UBE2K: variants seen among roughly 807,000 people sequenced by gnomAD.
The protein encoded by UBE2K is ubiquitin-conjugating enzyme E2 K.
Under a neutral mutation model 30.0 loss-of-function variants are expected in UBE2K, and 6 were observed. The observed-to-expected ratio is 0.20, with a 90% CI of 0.11 to 0.39. The LOEUF (loss-of-function observed/expected upper bound fraction) is 0.39. Among genes scored for constraint, UBE2K ranks in the 10% least tolerant of loss-of-function variants. The probability of loss-of-function intolerance (pLI) is 1.00; values close to 1 mark genes in which losing one functional copy is unlikely to be tolerated. For synonymous variants in UBE2K, 86 were observed against 83.7 expected (o/e 1.03, Z -0.15); for missense variants, 61 against 241.6 (o/e 0.25, Z 4.96).
intron 1 of UBE2K, among the ~76,000 whole-genome samples, chr4:39,703,220 C>CTTT (rs1322420804): frequency 6.6e-6 from 1 of 152,038 alleles, no homozygotes; most frequent in Non-Finnish European, 1.5e-5. Flanking sequence ...TGACAAAACT[C>CTTT]TTTAAAAGAG....
chr4:39,782,473 T>C lies in UBE2K; in HGVS notation c.*4039T>C, dbSNP rs1713671167. 6.6e-6 allele frequency: 1 copy of C among 152,198 alleles called. No individual in the cohort carries two copies. Among genetic ancestry groups the C allele is most frequent in the South Asian group, 2.1e-4 (1 of 4,826 alleles). The allele number at this position is 152,198 out of a possible 1,614,324, so 9.4% of individuals were successfully genotyped here. ...GGTGTCTGCTGGAAGTCTACTGCCA[T>C]TATAGGGAACCTTGCTTGTTAGCTT... is the stretch of plus-strand genomic sequence containing the variant. On this transcript the variant is annotated 3_prime_UTR_variant, in exon 7 of 7. Coordinates refer to ENST00000261427, the MANE Select transcript of UBE2K (RefSeq NM_005339.5).
intron 1 of UBE2K, among the ~76,000 whole-genome samples, chr4:39,714,654 C>G (rs1372318379): frequency 6.8e-6 from 1 of 147,918 alleles, no homozygotes; most frequent in African/African-American, 2.5e-5. Context: ...TCAAGTGATT[C>G]TCCTGCCTCA....
At chr4:39,750,118 C>T (rs182518852) in intron 3 of UBE2K, among the ~76,000 whole-genome samples, 1 of 152,120 alleles carries the variant, frequency 6.6e-6, no homozygotes, top group African/African-American at 2.4e-5. Flanking sequence ...CGCTTGAACC[C>T]AAGAGGCGGA....
At chr4:39,764,904 G>C (rs1202730154) in intron 4 of UBE2K, among the ~76,000 whole-genome samples, 2 of 112,312 alleles carry the variant, frequency 1.8e-5, no homozygotes, top group Non-Finnish European at 3.5e-5. Context: ...TTTTTTTTTC[G>C]AGACAAGAGT....
chr4:39,760,214 A>G (rs1282597265), intron 4 of UBE2K, among the ~76,000 whole-genome samples: 3 of 150,506 alleles, frequency 2.0e-5, no homozygotes, highest in African/African-American at 7.3e-5. Flanking sequence ...AAAAAAACAA[A>G]TAATGTGGTT....
At chr4:39,714,517 C>CATCTATATATATATATATTTATATATAT (rs1553874880) in intron 1 of UBE2K, 1 of 41,638 alleles carries the variant, frequency 2.4e-5, no homozygotes, top group African/African-American at 1.3e-4. Context: ...TTAGAAGTTT[C>CATCTATATATATATATATTTATATATAT]ATATATATAT....
chr4:39,771,624 A>AAGGGGT (rs749533907), intron 4 of UBE2K, among the ~76,000 whole-genome samples: 86 of 152,172 alleles, frequency 5.7e-4, no homozygotes, highest in Middle Eastern at 3.4e-3. Context: ...CGTGGGCGTA[A>AAGGGGT]AGGGGTAGGG....
chr4:39,746,144 CAAA>C (rs1720978169), intron 3 of UBE2K, among the ~76,000 whole-genome samples: 3 of 151,986 alleles, frequency 2.0e-5, no homozygotes, highest in Non-Finnish European at 2.9e-5. Flanking sequence ...TTACTTGACT[CAAA>C]GAAGTATGTG....
At chr4:39,747,802 T>TG (rs1409343392) in intron 3 of UBE2K, among the ~76,000 whole-genome samples, 1 of 151,028 alleles carries the variant, frequency 6.6e-6, no homozygotes, top group Non-Finnish European at 1.5e-5. Flanking sequence ...TTGTTGTTGT[T>TG]TTCTTTTTTT....
At chr4:39,763,049 C>T (rs1413836976) in intron 4 of UBE2K, among the ~76,000 whole-genome samples, 1 of 147,830 alleles carries the variant, frequency 6.8e-6, no homozygotes, top group African/African-American at 2.5e-5. Flanking sequence ...CTTCTCGTGC[C>T]CTCATGCCTC....
At chr4:39,718,761 T>C (rs28379059) in intron 1 of UBE2K, among the ~76,000 whole-genome samples, 16,781 of 152,262 alleles carry the variant, frequency 0.11, 1,139 homozygotes, top group East Asian at 0.22. Flanking sequence ...AGCCCCTCAC[T>C]GCCCAGGGCC....
intron 3 of UBE2K, among the ~76,000 whole-genome samples, chr4:39,752,530 G>T (rs1025949272): frequency 6.6e-6 from 1 of 151,872 alleles, no homozygotes. Flanking sequence ...TAGAGACGGG[G>T]TTTCACCGTG....
intron 1 of UBE2K, among the ~76,000 whole-genome samples, chr4:39,733,834 A>G (rs1447468935): frequency 6.6e-6 from 1 of 152,218 alleles, no homozygotes; most frequent in Non-Finnish European, 1.5e-5. Context: ...TCCAAAGGCC[A>G]TGACTTTTGT....
At position 39,745,631 on chromosome 4, in the gene UBE2K, A is replaced by G. The variant is rs951631467; in HGVS notation, c.158-121A>G. On this transcript the variant is annotated intron_variant, in intron 2 of 6. Coordinates refer to ENST00000261427, the MANE Select transcript of UBE2K (RefSeq NM_005339.5). Reference sequence around the variant, plus strand: ...TTGATTACTTTCTTTCTGGATTTCAACTTTAAAATGAATTTTTATAATTGA... The same window carrying G: ...TTGATTACTTTCTTTCTGGATTTCAGCTTTAAAATGAATTTTTATAATTGA... 1.3e-5 allele frequency: 9 copies of G among 681,330 alleles called. No individual in the cohort carries two copies. The African/African-American group carries it at 1.7e-4, about 13-fold the overall frequency. The allele number at this position is 681,330 out of a possible 1,614,324, so 42.2% of individuals were successfully genotyped here.
In UBE2K at chr4:39,753,942, G is replaced by A. The variant is rs190412260; in HGVS notation, c.217-1715G>A. 6.6e-3 allele frequency among the ~76,000 whole-genome samples: 998 copies of A among 152,158 alleles called. 16 individuals are homozygous for A. Among genetic ancestry groups the A allele is most frequent in the Non-Finnish European group, 6.8e-3 (460 of 68,004 alleles). ...TTGAGACCAGCCTGGCCAACATGGC[G>A]AAACCCCATCTTGCCATGTTGGCGC... On this transcript the variant is annotated intron_variant, in intron 3 of 6. Coordinates refer to ENST00000261427, the MANE Select transcript of UBE2K (RefSeq NM_005339.5).
intron 2 of UBE2K, among the ~76,000 whole-genome samples, chr4:39,738,514 A>G (rs1322624031): frequency 1.3e-5 from 2 of 152,060 alleles, no homozygotes; most frequent in East Asian, 1.9e-4. Flanking sequence ...TTTATATGCA[A>G]AGTTTTACTG....
intron 1 of UBE2K, among the ~76,000 whole-genome samples, chr4:39,699,694 T>C (rs1717900597): frequency 6.6e-6 from 1 of 152,218 alleles, no homozygotes; most frequent in Admixed American, 6.5e-5. Flanking sequence ...ACTTTAATAG[T>C]GTCAATAATA....
intron 1 of UBE2K, among the ~76,000 whole-genome samples, chr4:39,715,118 T>C (rs1010107797): frequency 7.4e-5 from 11 of 149,632 alleles, no homozygotes; most frequent in African/African-American, 2.7e-4. Context: ...CTCTGCCTCC[T>C]GGGTTCACGC....
rs766727940 is a variant in UBE2K, at chr4:39,698,305, A to G, written c.-23A>G. 6.2e-7 allele frequency: 1 copy of G among 1,606,392 alleles called. No individual in the cohort carries two copies. Among genetic ancestry groups the G allele is most frequent in the Admixed American group, 1.7e-5 (1 of 58,948 alleles). On this transcript the variant is annotated 5_prime_UTR_variant, in exon 1 of 7. Coordinates refer to ENST00000261427, the MANE Select transcript of UBE2K (RefSeq NM_005339.5). ...CGTAGCGGTGGCGGAGGAGGCGGGT[A>G]CGAATCAGCTGCGGGCGGAGACATG...
Sources: gnomAD v4.1 joint callset for allele counts (sites outside exome capture counted in the v4.1 genomes callset) on GRCh38, gnomAD v4.1.1 for gene constraint, MANE v1.5 for transcripts, NCBI Gene and HGNC (gene_info 2026-07-23, HGNC 2026-07-21) for gene names.